The following SEPTIN7 variants were observed in gnomAD, a reference collection of about 807,000 sequenced individuals.
SEPTIN7 encodes the protein septin-7.
A neutral mutation model predicts 63.3 loss-of-function variants in SEPTIN7; 10 were observed. That is an observed-to-expected ratio of 0.16 (90% CI 0.10 to 0.27). The LOEUF is 0.27. SEPTIN7 is among the 10% of genes least tolerant of loss of function. The probability of loss-of-function intolerance (pLI) is 1.00; values close to 1 mark genes in which losing one functional copy is unlikely to be tolerated. For missense variants in SEPTIN7, 310 were observed against 521.0 expected (o/e 0.59, Z 3.94); for synonymous variants, 131 against 165.3 (o/e 0.79, Z 1.59).
At chr7:35,876,691 G>T (rs1202620036) in intron 6 of SEPTIN7, among the ~76,000 whole-genome samples, 1 of 152,146 alleles carries the variant, frequency 6.6e-6, no homozygotes, top group Non-Finnish European at 1.5e-5. Flanking sequence ...AGTTGAGGCT[G>T]GGCGCAGTGG....
chr7:35,903,592 A>G (rs1054680384), intron 13 of SEPTIN7, among the ~76,000 whole-genome samples: 1 of 152,178 alleles, frequency 6.6e-6, no homozygotes, highest in African/African-American at 2.4e-5. Context: ...ATTTAGGGGT[A>G]TGTTTTAACT....
At chr7:35,836,917 G>T (rs1442814378) in intron 3 of SEPTIN7, among the ~76,000 whole-genome samples, 3 of 151,734 alleles carry the variant, frequency 2.0e-5, no homozygotes, top group Non-Finnish European at 4.4e-5. Context: ...TTTTTATTTT[G>T]CTTTTATTAA....
chr7:35,801,201 G>T lies in SEPTIN7; in HGVS notation c.-9G>T, dbSNP rs1399889713. The T allele has an allele frequency of 6.6e-6, 10 of 1,505,080 alleles. 1 individual carries two copies. The highest frequency in any genetic ancestry group is 3.8e-5 in the South Asian group (3 of 79,424). The allele number at this position is 1,505,080 out of a possible 1,614,324, so 93.2% of individuals were successfully genotyped here. A position where few individuals can be genotyped will look rare whatever the true frequency, so the allele number is the denominator to read the frequency against. On this transcript the variant is annotated 5_prime_UTR_variant, in exon 1 of 14. Transcript: ENST00000350320. ...CTCCGCTGGGGCTGGTCGCGGAGGG[G>T]GGGAGGGGATGTCGGTCAGTGCGAG...
At chr7:35,915,123 GTATA>G in the SEPTIN7 span, among the ~76,000 whole-genome samples, 1 of 151,446 alleles carries the variant, frequency 6.6e-6, no homozygotes, top group Non-Finnish European at 1.5e-5. Flanking sequence ...GTATACATGT[GTATA>G]TATACATGCA....
intron 1 of SEPTIN7, among the ~76,000 whole-genome samples, chr7:35,808,804 G>A (rs953501941): frequency 6.6e-6 from 1 of 152,202 alleles, no homozygotes; most frequent in African/African-American, 2.4e-5. Flanking sequence ...GATAGATCAT[G>A]ATATGGGATA....
chr7:35,831,016 C>T (rs887155538), intron 1 of SEPTIN7, among the ~76,000 whole-genome samples: 1 of 152,300 alleles, frequency 6.6e-6, no homozygotes, highest in East Asian at 1.9e-4. Flanking sequence ...TGTCTTAATC[C>T]AGTGACTGAC....
chr7:35,817,870 C>A (rs930214976), intron 1 of SEPTIN7, among the ~76,000 whole-genome samples: 1 of 150,116 alleles, frequency 6.7e-6, no homozygotes, highest in African/African-American at 2.4e-5. Flanking sequence ...TATCATGCAA[C>A]TTTATTAGTT....
chr7:35,900,610 A>C (rs1243834481), intron 12 of SEPTIN7: 1 of 152,244 alleles, frequency 6.6e-6, no homozygotes, highest in African/African-American at 2.4e-5. Flanking sequence ...AATAATCAAG[A>C]GTCTACTACA....
chr7:35,879,490 T>TAA lies in SEPTIN7; in HGVS notation c.513-321_513-320dup, dbSNP rs11345858. ...TGAGACCCTGTCTTAAAAAATTAAA[T>TAA]AAAAAAAAAAAAATTAAAAACCTTG... On this transcript the variant is annotated intron_variant, in intron 6 of 13. Coordinates refer to ENST00000350320, the MANE Select transcript of SEPTIN7 (RefSeq NM_001788.6). 1,304 of 156,552 alleles carry TAA rather than the reference T, an allele frequency of 8.3e-3. 21 individuals are homozygous for TAA. The highest frequency in any genetic ancestry group is 0.031 in the African/African-American group (1,268 of 40,852). The allele number at this position is 156,552 out of a possible 1,614,324, so 9.7% of individuals were successfully genotyped here.
At chr7:35,899,754 TGCACCTATGGTC>T (rs1788197735) in intron 12 of SEPTIN7, 2 of 152,012 alleles carry the variant, frequency 1.3e-5, no homozygotes, top group African/African-American at 4.8e-5. Flanking sequence ...CATGATGGCC[TGCACCTATGGTC>T]CCAACTACTC....
chr7:35,888,741 G>A (rs963401016), intron 10 of SEPTIN7: 17 of 215,952 alleles, frequency 7.9e-5, no homozygotes, highest in African/African-American at 4.2e-4. Flanking sequence ...GATGGTTTGA[G>A]CCTGAAAGGC....
intron 3 of SEPTIN7, among the ~76,000 whole-genome samples, chr7:35,837,137 TA>T (rs1784121921): frequency 6.6e-6 from 1 of 152,168 alleles, no homozygotes; most frequent in South Asian, 2.1e-4. Context: ...TTAAAGCACT[TA>T]AAAAATAAAG....
At chr7:35,833,069 G>T (rs1783909671) in intron 3 of SEPTIN7, among the ~76,000 whole-genome samples, 169 bp downstream of exon 3, 1 of 151,964 alleles carries the variant, frequency 6.6e-6, no homozygotes, top group Non-Finnish European at 1.5e-5. Context: ...GGCATAATGG[G>T]ATTTATGTCT....
intron 1 of SEPTIN7, among the ~76,000 whole-genome samples, chr7:35,824,228 T>A (rs1412293402): frequency 6.6e-6 from 1 of 152,210 alleles, no homozygotes; most frequent in East Asian, 1.9e-4. Context: ...GATTTTTCTG[T>A]ATCCTTAGAT....
chr7:35,877,177 A>C (rs1302294464), intron 6 of SEPTIN7, among the ~76,000 whole-genome samples: 1 of 152,002 alleles, frequency 6.6e-6, no homozygotes, highest in African/African-American at 2.4e-5. Context: ...CACAGTTTAC[A>C]GATAATATAA....
chr7:35,907,597 T>G (rs1382463643), downstream of SEPTIN7, among the ~76,000 whole-genome samples: 1 of 152,122 alleles, frequency 6.6e-6, no homozygotes, highest in Non-Finnish European at 1.5e-5. Flanking sequence ...GAACTGGTCT[T>G]AGTTACACCA....
At chr7:35,901,164 A>C (rs1271921280) in intron 12 of SEPTIN7, 1 of 152,230 alleles carries the variant, frequency 6.6e-6, no homozygotes, top group African/African-American at 2.4e-5. Context: ...AGCAACTTTC[A>C]TTTATTGTGT....
intron 3 of SEPTIN7, among the ~76,000 whole-genome samples, chr7:35,862,501 A>G (rs1785562757): frequency 6.6e-6 from 1 of 152,166 alleles, no homozygotes; most frequent in Non-Finnish European, 1.5e-5. Context: ...CTTTCAAGGT[A>G]TAAGAGTTAA....
At position 35,801,198 on chromosome 7, in the gene SEPTIN7, G is replaced by C. The variant is rs747287253; in HGVS notation, c.-12G>C. 6.5e-5 allele frequency: 97 copies of C among 1,494,524 alleles called. No individual in the cohort carries two copies. Among genetic ancestry groups the C allele is most frequent in the Admixed American group, 1.6e-4 (7 of 43,844 alleles). 92.6% of individuals were successfully genotyped at this position (1,494,524 alleles called of 1,614,324 possible). ...GCGCTCCGCTGGGGCTGGTCGCGGA[G>C]GGGGGGAGGGGATGTCGGTCAGTGC... On this transcript the variant is annotated 5_prime_UTR_variant, in exon 1 of 14. Coordinates refer to ENST00000350320, the MANE Select transcript of SEPTIN7 (RefSeq NM_001788.6).
Sources: gnomAD v4.1 joint callset for allele counts (sites outside exome capture counted in the v4.1 genomes callset) on GRCh38, gnomAD v4.1.1 for gene constraint, MANE v1.5 for transcripts, NCBI Gene and HGNC (gene_info 2026-07-23, HGNC 2026-07-21) for gene names.